Variants in MKLN1 observed in about 807,000 individuals in gnomAD.
The protein encoded by MKLN1 is muskelin.
In MKLN1, 18 loss-of-function variants were observed where a neutral mutation model predicts 99.0. That is an observed-to-expected ratio of 0.18 (90% CI 0.13 to 0.27). The LOEUF is 0.27. MKLN1 is among the 10% of genes least tolerant of loss of function. The pLI is 1.00. For missense variants in MKLN1, 621 were observed against 875.9 expected, an observed-to-expected ratio of 0.71 and a Z score of 3.67; for synonymous variants, 288 against 293.2, an observed-to-expected ratio of 0.98 and a Z score of 0.18.
chr7:131,126,502 T>G (rs1375859692), intron 1 of MKLN1, among the ~76,000 whole-genome samples: 1 of 152,208 alleles, frequency 6.6e-6, no homozygotes, highest in Non-Finnish European at 1.5e-5. Context: ...AACACGGCGG[T>G]GTTTTTTGGG....
chr7:131,474,420 C>T (rs1002622223), intron 16 of MKLN1, among the ~76,000 whole-genome samples: 1 of 152,126 alleles, frequency 6.6e-6, no homozygotes, highest in African/African-American at 2.4e-5. Flanking sequence ...AGACAGCCAA[C>T]TTAAGATGTT....
chr7:131,421,370 G>C (rs999599753), intron 8 of MKLN1, among the ~76,000 whole-genome samples: 3 of 152,102 alleles, frequency 2.0e-5, no homozygotes, highest in Admixed American at 6.6e-5. Flanking sequence ...CAAAGAGATT[G>C]TATTTATCAT....
intron 6 of MKLN1, among the ~76,000 whole-genome samples, chr7:131,399,779 G>A (rs78450898): frequency 3.9e-5 from 6 of 152,110 alleles, no homozygotes; most frequent in Non-Finnish European, 5.9e-5. Flanking sequence ...TTGAGGAGAA[G>A]GGGGGCTAGA....
intron 3 of MKLN1, among the ~76,000 whole-genome samples, chr7:131,259,526 T>G (rs1027848400): frequency 1.3e-5 from 2 of 152,044 alleles, no homozygotes; most frequent in Admixed American, 1.3e-4. Flanking sequence ...CCCTAAATAC[T>G]TTAACATTCA....
At chr7:131,171,052 T>A (rs1391741543) in intron 2 of MKLN1, among the ~76,000 whole-genome samples, 1 of 152,024 alleles carries the variant, frequency 6.6e-6, no homozygotes, top group African/African-American at 2.4e-5. Flanking sequence ...AAGACACACA[T>A]AAAAAAGTTA....
At chr7:131,414,246 C>T (rs1211891580) in intron 7 of MKLN1, among the ~76,000 whole-genome samples, 2 of 152,120 alleles carry the variant, frequency 1.3e-5, no homozygotes, top group African/African-American at 2.4e-5. Flanking sequence ...TTTAAAACTG[C>T]TCATCATACT....
At chr7:131,429,888 T>C (rs536039238) in intron 9 of MKLN1, among the ~76,000 whole-genome samples, 1 of 152,324 alleles carries the variant, frequency 6.6e-6, no homozygotes, top group South Asian at 2.1e-4. Flanking sequence ...CTGATACATA[T>C]TATCTTTAAT....
intron 15 of MKLN1, among the ~76,000 whole-genome samples, chr7:131,468,955 A>T (rs1796734249): frequency 6.6e-6 from 1 of 152,200 alleles, no homozygotes; most frequent in Non-Finnish European, 1.5e-5. Context: ...GAATTAAGGC[A>T]CCTTCTCAGC....
At chr7:131,313,460 T>C (rs1441434312) in intron 3 of MKLN1, among the ~76,000 whole-genome samples, 1 of 152,152 alleles carries the variant, frequency 6.6e-6, no homozygotes, top group East Asian at 1.9e-4. Flanking sequence ...CTGGTAAAAC[T>C]CACTAGTTTT....
At chr7:131,332,189 A>T (rs946191912) in intron 1 of MKLN1, among the ~76,000 whole-genome samples, 2 of 151,774 alleles carry the variant, frequency 1.3e-5, no homozygotes, top group African/African-American at 4.8e-5. Flanking sequence ...TAATCCTAGC[A>T]CTTTGGGAGG....
chr7:131,332,449 A>G (rs988673258), intron 1 of MKLN1, among the ~76,000 whole-genome samples: 17 of 148,476 alleles, frequency 1.1e-4, no homozygotes, highest in Non-Finnish European at 1.6e-4. Context: ...GACACTTTTT[A>G]TATCATATAT....
Position 131,356,198 on chromosome 7 carries a change from T to C in MKLN1, c.99-19226T>C, listed in dbSNP as rs113568389. 3.6e-3 allele frequency among the ~76,000 whole-genome samples: 548 copies of C among 152,054 alleles called. 2 individuals carry two copies. The highest frequency in any genetic ancestry group is 0.013 in the African/African-American group (521 of 41,480). ...TGGGATTTTATACGCTGGCATACTT[T>C]GGGATCTTGCATTACTTCTCCTCAC... On this transcript the variant is annotated intron_variant, in intron 1 of 17. Coordinates refer to ENST00000352689, the MANE Select transcript of MKLN1 (RefSeq NM_013255.5).
At position 131,168,606 on chromosome 7, in the gene MKLN1, T is replaced by C. The variant is rs191260236; in HGVS notation, c.-297+25665T>C. On this transcript the variant is annotated intron_variant, in intron 2 of 7. Transcript: ENST00000416992. ...ATATTATGTATTTACTTATTTATTA[T>C]AATATCATGGCTGAGAAACTGAAGT... Among the ~76,000 whole-genome samples the C allele has an allele frequency of 3.9e-3, 601 of 152,324 alleles. 3 individuals carry two copies. The highest frequency in any genetic ancestry group is 0.013 in the African/African-American group (555 of 41,578).
At chr7:131,355,591 T>G (rs1216802479) in intron 1 of MKLN1, among the ~76,000 whole-genome samples, 2 of 150,538 alleles carry the variant, frequency 1.3e-5, no homozygotes, top group Non-Finnish European at 3.0e-5. Context: ...TGCTTTTCGC[T>G]TTTATGTTTG....
intron 2 of MKLN1, among the ~76,000 whole-genome samples, chr7:131,169,685 A>G (rs1228985267): frequency 2.0e-5 from 3 of 152,254 alleles, no homozygotes; most frequent in Non-Finnish European, 4.4e-5. Context: ...AGATGTCAAA[A>G]GGAATGTATT....
chr7:131,275,560 TA>T (rs1334922286), intron 3 of MKLN1, among the ~76,000 whole-genome samples: 27 of 30,796 alleles, frequency 8.8e-4, no homozygotes, highest in African/African-American at 1.2e-3. Context: ...TATATATATA[TA>T]TATATATTTT....
chr7:131,245,392 C>T (rs369916750), intron 3 of MKLN1, among the ~76,000 whole-genome samples: 37 of 151,910 alleles, frequency 2.4e-4, no homozygotes, highest in South Asian at 1.9e-3. Flanking sequence ...CTCAGCCTCC[C>T]GAGTAGCTGG....
At chr7:131,471,568 A>G (rs1016517958) in intron 16 of MKLN1, 1 of 152,218 alleles carries the variant, frequency 6.6e-6, no homozygotes, top group Non-Finnish European at 1.5e-5. Context: ...CCTTAAGGAC[A>G]TGTTTGCTTA....
intron 3 of MKLN1, among the ~76,000 whole-genome samples, chr7:131,286,019 C>T (rs553363200): frequency 1.8e-4 from 28 of 151,764 alleles, no homozygotes; most frequent in South Asian, 1.0e-3. Flanking sequence ...GCAGTGGCGC[C>T]GTCTCACTGC....
Sources: allele counts gnomAD v4.1 joint callset (sites outside exome capture counted in the v4.1 genomes callset), GRCh38; gene constraint gnomAD v4.1.1; transcripts MANE v1.5; gene names NCBI Gene and HGNC (gene_info 2026-07-23, HGNC 2026-07-21).